Variants in TMTC1 observed in about 807,000 individuals in gnomAD.
The protein encoded by TMTC1 is protein O-mannosyl-transferase TMTC1.
Under a neutral mutation model 104.8 loss-of-function variants are expected in TMTC1, and 73 were observed. That is an observed-to-expected ratio of 0.70 (90% CI 0.58 to 0.85). The LOEUF (loss-of-function observed/expected upper bound fraction) is 0.85, where lower values mean the gene tolerates loss of function less well. Ranked by LOEUF, TMTC1 falls within the 40% of genes least tolerant of loss-of-function variation. TMTC1 has a pLI of 0.00. For missense variants in TMTC1, 1,035 were observed against 1,096.1 expected (o/e 0.94, Z 0.79); for synonymous variants, 434 against 428.7 (o/e 1.01, Z -0.15).
At chr12:29,538,205 C>T (rs16934426) in intron 10 of TMTC1, among the ~76,000 whole-genome samples, 5,903 of 152,202 alleles carry the variant, frequency 0.039, 378 homozygotes, top group African/African-American at 0.14. Flanking sequence ...TCACTCATTT[C>T]GTGGACATTT....
chr12:29,727,253 A>AT (rs1485734157), intron 5 of TMTC1, among the ~76,000 whole-genome samples: 1 of 152,200 alleles, frequency 6.6e-6, no homozygotes, highest in African/African-American at 2.4e-5. Flanking sequence ...AGAGTCAAAG[A>AT]TTTTGCATAC....
chr12:29,654,887 G>A (rs117821052), intron 5 of TMTC1, among the ~76,000 whole-genome samples: 1 of 152,016 alleles, frequency 6.6e-6, no homozygotes, highest in East Asian at 1.9e-4. Flanking sequence ...TCTGTTTTTT[G>A]TTGTTGTTGT....
intron 11 of TMTC1, chr12:29,532,502 T>C (rs1351230485): frequency 2.6e-5 from 4 of 152,180 alleles, no homozygotes; most frequent in African/African-American, 9.7e-5. Flanking sequence ...ATCATTTTGA[T>C]AAATCAGTAA....
chr12:29,617,560 G>T (rs1391403621), intron 6 of TMTC1, among the ~76,000 whole-genome samples: 1 of 151,796 alleles, frequency 6.6e-6, no homozygotes, highest in African/African-American at 2.4e-5. Flanking sequence ...GAGAGAGAGA[G>T]AGAGAGAGAT....
At chr12:29,599,373 T>C (rs1383825132) in intron 7 of TMTC1, among the ~76,000 whole-genome samples, 1 of 152,228 alleles carries the variant, frequency 6.6e-6, no homozygotes, top group African/African-American at 2.4e-5. Context: ...CTTTTGGTGG[T>C]AAACTCTGAC....
intron 6 of TMTC1, among the ~76,000 whole-genome samples, chr12:29,607,326 C>T (rs972867067): frequency 6.6e-6 from 1 of 152,108 alleles, no homozygotes; most frequent in African/African-American, 2.4e-5. Context: ...GCTCAGTGCC[C>T]GGTGTGAATA....
In TMTC1 at chr12:29,545,535, G is replaced by A. The variant is rs181786501; in HGVS notation, c.1677-9218C>T. 6.3e-3 allele frequency among the ~76,000 whole-genome samples: 965 copies of A among 151,994 alleles called. 5 individuals are homozygous for A. The highest frequency in any genetic ancestry group is 8.9e-3 in the Non-Finnish European group (605 of 67,990). On this transcript the variant is annotated intron_variant, in intron 10 of 17. Transcript: ENST00000539277. ...CATGCCTGTAGTCCCAGCTACTCAG[G>A]AGGCTGAGGCAGGAGAATCACTAAA...
intron 10 of TMTC1, among the ~76,000 whole-genome samples, chr12:29,548,994 T>A (rs1295259968): frequency 6.9e-6 from 1 of 145,050 alleles, no homozygotes; most frequent in Non-Finnish European, 1.5e-5. Context: ...TTAAATTAAA[T>A]ATATAAATTA....
intron 5 of TMTC1, among the ~76,000 whole-genome samples, chr12:29,636,623 T>C (rs573013494): frequency 6.6e-6 from 1 of 151,898 alleles, no homozygotes; most frequent in Admixed American, 6.6e-5. Flanking sequence ...ATCGAGACCA[T>C]CCTGTCCAAC....
intron 5 of TMTC1, among the ~76,000 whole-genome samples, chr12:29,748,699 G>A (rs1034700033): frequency 1.3e-5 from 2 of 152,144 alleles, no homozygotes; most frequent in Admixed American, 6.5e-5. Flanking sequence ...CATAGTAGTT[G>A]GATAATAGAA....
chr12:29,702,002 T>C (rs1941608125), intron 5 of TMTC1, among the ~76,000 whole-genome samples: 1 of 152,208 alleles, frequency 6.6e-6, no homozygotes, highest in Non-Finnish European at 1.5e-5. Flanking sequence ...AGGATAATAA[T>C]ACTGAGTTAA....
intron 5 of TMTC1, among the ~76,000 whole-genome samples, chr12:29,719,721 A>T (rs576679903): frequency 6.6e-6 from 1 of 152,328 alleles, no homozygotes; most frequent in East Asian, 1.9e-4. Flanking sequence ...CTACGACCTT[A>T]CTTAATGAAT....
chr12:29,658,745 AG>A (rs1182641429), intron 5 of TMTC1: 1 of 204,038 alleles, frequency 4.9e-6, no homozygotes, highest in African/African-American at 2.3e-5. Flanking sequence ...GTTTTCTAAA[AG>A]TCTTAGAGAA....
Position 29,718,058 on chromosome 12 carries a change from A to T in TMTC1, c.938+33608T>A, listed in dbSNP as rs144298135. Among the ~76,000 whole-genome samples, 16 of 152,322 alleles carry T rather than the reference A, an allele frequency of 1.1e-4. 2 individuals carry two copies. The highest frequency in any genetic ancestry group is 3.6e-4 in the African/African-American group (15 of 41,586). The stretch of plus-strand genomic sequence containing the variant: ...AAATAAGTAAAGGGAGGTAATATTT[A>T]TGCTAATGGCGAAGTATCTTGTATT... On this transcript the variant is annotated intron_variant, in intron 5 of 17. Coordinates refer to ENST00000539277, the MANE Select transcript of TMTC1 (RefSeq NM_001193451.2).
At position 29,783,838 on chromosome 12, in the gene TMTC1, C is replaced by T; in HGVS notation, c.-87G>A. On this transcript the variant is annotated 5_prime_UTR_variant, in exon 1 of 18. Coordinates refer to ENST00000539277, the MANE Select transcript of TMTC1 (RefSeq NM_001193451.2). This position sits in a 1 kb window ranked among gnomAD's most constrained non-coding sequence, Gnocchi z 4.7. ...GGGCCCCGGCGGCGCGCGGCGTCTG[C>T]CCGGAGGGGGGCTCGGGCATGGTGC... is the stretch of plus-strand genomic sequence containing the variant. 1.9e-6 allele frequency: 2 copies of T among 1,066,052 alleles called. No homozygotes were observed. The highest frequency in any genetic ancestry group is 6.9e-5 in the East Asian group (1 of 14,532). 66.0% of individuals were successfully genotyped at this position (1,066,052 alleles called of 1,614,324 possible).
At chr12:29,584,237 G>T (rs1230894838) in intron 7 of TMTC1, among the ~76,000 whole-genome samples, 2 of 152,126 alleles carry the variant, frequency 1.3e-5, no homozygotes, top group African/African-American at 4.8e-5. Flanking sequence ...TTGTATATCA[G>T]CATTACGTCT....
At chr12:29,673,310 C>T (rs1398603047) in intron 5 of TMTC1, among the ~76,000 whole-genome samples, 1 of 152,190 alleles carries the variant, frequency 6.6e-6, no homozygotes, top group Non-Finnish European at 1.5e-5. Flanking sequence ...CACAGCCGCT[C>T]TTAGCATAGA....
At chr12:29,730,018 T>C (rs920854553) in intron 5 of TMTC1, among the ~76,000 whole-genome samples, 1 of 152,160 alleles carries the variant, frequency 6.6e-6, no homozygotes, top group Non-Finnish European at 1.5e-5. Context: ...TGATTACATA[T>C]AGCGGACATG....
chr12:29,743,238 C>T (rs181083123), intron 5 of TMTC1, among the ~76,000 whole-genome samples: 2 of 152,224 alleles, frequency 1.3e-5, no homozygotes, highest in Admixed American at 1.3e-4. Context: ...AGAATTGGAG[C>T]CCAGGCACTC....
Sources: allele counts gnomAD v4.1 joint callset (sites outside exome capture counted in the v4.1 genomes callset), GRCh38; gene constraint gnomAD v4.1.1; non-coding constraint Gnocchi (gnomAD v3.1); transcripts MANE v1.5; gene names NCBI Gene and HGNC (gene_info 2026-07-23, HGNC 2026-07-21).